The following C2CD2 variants were observed in gnomAD, a reference collection of about 807,000 sequenced individuals.
The protein encoded by C2CD2 is C2 domain-containing protein 2.
C2CD2 carries 43 observed loss-of-function variants against 74.3 expected under a neutral mutation model. That is an observed-to-expected ratio of 0.58 (90% CI 0.45 to 0.75). C2CD2 has a LOEUF of 0.75. Ranked by LOEUF, C2CD2 falls within the 30% of genes least tolerant of loss-of-function variation. The probability of loss-of-function intolerance (pLI) is 0.00; values close to 1 mark genes in which losing one functional copy is unlikely to be tolerated. For missense variants in C2CD2, 801 were observed against 916.3 expected (o/e 0.87, Z 1.63); for synonymous variants, 422 against 390.7 (o/e 1.08, Z -0.94).
chr21:41,926,749 C>T lies in C2CD2; in HGVS notation c.379-4664G>A, dbSNP rs984399323. 2.5e-5 allele frequency: 8 copies of T among 325,694 alleles called. No homozygotes were observed. Among genetic ancestry groups the T allele is most frequent in the Non-Finnish European group, 3.5e-5 (8 of 226,918 alleles). 20.2% of individuals were successfully genotyped at this position (325,694 alleles called of 1,614,324 possible). Reference sequence around the variant, plus strand: ...AATTAAGCTTCCTGTACAGCTGCCTCGGCTCCTTCTCTTAGAACACTCTAG... The same window carrying T: ...AATTAAGCTTCCTGTACAGCTGCCTTGGCTCCTTCTCTTAGAACACTCTAG... On this transcript the variant is annotated intron_variant, in intron 2 of 13. Coordinates refer to ENST00000380486, the MANE Select transcript of C2CD2 (RefSeq NM_015500.2). The surrounding 1 kb of genome is among the most constrained non-coding windows in gnomAD (Gnocchi z 8.0).
intron 2 of C2CD2, 144 bp downstream of exon 2, chr21:41,942,003 C>T: frequency 9.7e-7 from 1 of 1,034,392 alleles, no homozygotes; most frequent in Non-Finnish European, 1.4e-6. Flanking sequence ...CTTCATCTAC[C>T]CATCAGCTGA....
Position 41,931,267 on chromosome 21 carries a change from C to T in C2CD2, c.379-9182G>A, listed in dbSNP as rs1329659369. On this transcript the variant is annotated intron_variant, in intron 2 of 13. Coordinates refer to ENST00000380486, the MANE Select transcript of C2CD2 (RefSeq NM_015500.2). ...CGGTCTGAGCAGATACCCTGCAAGG[C>T]AGGCACCCAGGAGAATTCCCTTAGG... Among the ~76,000 whole-genome samples, 2 of 150,246 alleles carry T rather than the reference C, an allele frequency of 1.3e-5. 1 individual carries two copies. The highest frequency in any genetic ancestry group is 3.0e-5 in the Non-Finnish European group (2 of 66,998).
chr21:41,910,346 T>C (rs991423110), intron 7 of C2CD2, among the ~76,000 whole-genome samples: 6 of 152,162 alleles, frequency 3.9e-5, no homozygotes, highest in Non-Finnish European at 8.8e-5. Context: ...TACCCATATA[T>C]CTTTGCACGC....
At position 41,923,088 on chromosome 21, in the gene C2CD2, C is replaced by T. The variant is rs1393122618; in HGVS notation, c.379-1003G>A. Among the ~76,000 whole-genome samples the T allele has an allele frequency of 6.6e-6, 1 of 151,920 alleles. No individual in the cohort carries two copies. Among genetic ancestry groups the T allele is most frequent in the Non-Finnish European group, 1.5e-5 (1 of 67,994 alleles). ...TTAGCTCACTGCAACCTCCGCCTCC[C>T]GGGTTCACACGATTCTCCTGCCTCA... On this transcript the variant is annotated intron_variant, in intron 2 of 13. Coordinates refer to ENST00000380486, the MANE Select transcript of C2CD2 (RefSeq NM_015500.2). This position sits in a 1 kb window ranked among gnomAD's most constrained non-coding sequence, Gnocchi z 5.8.
chr21:41,920,503 G>C (rs1398368316), intron 3 of C2CD2, among the ~76,000 whole-genome samples: 1 of 152,176 alleles, frequency 6.6e-6, no homozygotes, highest in Non-Finnish European at 1.5e-5. Context: ...TCTCCAACCT[G>C]CCTTCCTTGT....
At chr21:41,953,329 CG>C in intron 1 of C2CD2, 40 bp downstream of exon 1, 2 of 1,329,210 alleles carry the variant, frequency 1.5e-6, no homozygotes, top group Non-Finnish European at 2.0e-6. Flanking sequence ...CCGCCCGCCC[CG>C]GCATCTGCCG....
chr21:41,912,807 T>C (rs143816498), intron 6 of C2CD2, among the ~76,000 whole-genome samples: 2 of 152,322 alleles, frequency 1.3e-5, no homozygotes, highest in African/African-American at 4.8e-5. Flanking sequence ...ATTTTTTAAA[T>C]TGCATGAAGA....
intron 13 of C2CD2, among the ~76,000 whole-genome samples, chr21:41,893,698 C>CTTTTTTT (rs60305027): frequency 4.9e-5 from 6 of 122,088 alleles, no homozygotes; most frequent in East Asian, 2.6e-4. Context: ...TGTTAAATTT[C>CTTTTTTT]TTTTTTTTTT....
chr21:41,889,172 G>C lies in C2CD2; in HGVS notation c.2043C>G (p.His681Gln). Residue 681 changes from histidine to glutamine, a missense_variant, in exon 14 of 14, where the codon CAC (histidine) becomes CAG (glutamine). Coordinates refer to ENST00000380486, the MANE Select transcript of C2CD2 (RefSeq NM_015500.2). ...CACCGTTCATGGTGTTCTTGTTTCT[G>C]TGCCTGGAGAGCAGCTTCTTGTTCA... is the stretch of plus-strand genomic sequence containing the variant. ...RILNKKLLSRHRNKNTMNGAP... is the reference protein window; with the variant it reads ...RILNKKLLSRQRNKNTMNGAP... 1.9e-6 allele frequency: 3 copies of C among 1,612,812 alleles called. No homozygotes were observed. Among genetic ancestry groups the C allele is most frequent in the Non-Finnish European group, 2.5e-6 (3 of 1,180,032 alleles).
chr21:41,907,781 AGAC>A lies in C2CD2; in HGVS notation c.1019_1021del (p.Gly340_Leu341delinsVal), dbSNP rs771454297. ...CAGAGGAACTGTCGCCGTCGCCAGC[AGAC>A]CTGAAAAGATAGGAGACAGGCAAGG... On this transcript the variant is annotated inframe_deletion and splice_region_variant, in exon 9 of 14. Coordinates refer to ENST00000380486, the MANE Select transcript of C2CD2 (RefSeq NM_015500.2). The A allele has an allele frequency of 1.4e-5, 23 of 1,613,898 alleles. No homozygotes were observed.
rs150751178 is a variant in C2CD2 at position 41,891,189 on chromosome 21, A to G, written c.1871-1845T>C. ...CTAAAGTTAGGAGCCTGTGTGCAGG[A>G]GCTTCGGAGACTGCTGGAAAAGGAA... On this transcript the variant is annotated intron_variant, in intron 13 of 13. Coordinates refer to ENST00000380486, the MANE Select transcript of C2CD2 (RefSeq NM_015500.2). Among the ~76,000 whole-genome samples, 8 of 110,760 alleles carry G rather than the reference A, an allele frequency of 7.2e-5. 1 individual carries two copies. Among genetic ancestry groups the G allele is most frequent in the East Asian group, 6.9e-4 (2 of 2,878 alleles). The allele number at this position is 110,760 out of a possible 152,430, so 72.7% of individuals were successfully genotyped here. A position where few individuals can be genotyped will look rare whatever the true frequency, so the allele number is the denominator to read the frequency against.
rs771638248 is a variant in C2CD2 at position 41,911,164 on chromosome 21, G to A, written c.953+1168C>T. Among the ~76,000 whole-genome samples the A allele has an allele frequency of 9.9e-4, 151 of 151,850 alleles. 4 individuals are homozygous for A. Among genetic ancestry groups the A allele is most frequent in the Non-Finnish European group, 1.1e-3 (77 of 67,992 alleles). On this transcript the variant is annotated intron_variant, in intron 7 of 13. Coordinates refer to ENST00000380486, the MANE Select transcript of C2CD2 (RefSeq NM_015500.2). Reference sequence around the variant, plus strand: ...ATTAAATGTCACTGAATGTCTTTTGGACATATGTAGAGAAAATACATTTAT... The same window carrying A: ...ATTAAATGTCACTGAATGTCTTTTGAACATATGTAGAGAAAATACATTTAT...
intron 5 of C2CD2, among the ~76,000 whole-genome samples, chr21:41,915,923 G>A (rs2065085385): frequency 6.6e-6 from 1 of 152,172 alleles, no homozygotes; most frequent in African/African-American, 2.4e-5. Context: ...CAGCCCCCAT[G>A]CTGTGAGAAG....
At chr21:41,905,113 A>C (rs1322579555) in intron 11 of C2CD2, among the ~76,000 whole-genome samples, 1 of 152,162 alleles carries the variant, frequency 6.6e-6, no homozygotes, top group Non-Finnish European at 1.5e-5. Flanking sequence ...CTATTAATGT[A>C]GCTAGCGTGT....
At chr21:41,897,722 G>A (rs1485498582) in intron 13 of C2CD2, among the ~76,000 whole-genome samples, 2 of 152,198 alleles carry the variant, frequency 1.3e-5, no homozygotes, top group Non-Finnish European at 1.5e-5. Context: ...CATGGGAGAG[G>A]GAGGCCGCCG....
At chr21:41,927,143 A>G (rs868513917) in intron 2 of C2CD2, among the ~76,000 whole-genome samples, 14 of 152,344 alleles carry the variant, frequency 9.2e-5, no homozygotes, top group Middle Eastern at 3.4e-3. Context: ...CCACTAATTC[A>G]AAATAAACGG....
chr21:41,896,372 G>A lies in C2CD2; in HGVS notation c.1870+2681C>T, dbSNP rs144306802. Among the ~76,000 whole-genome samples, 57 of 152,210 alleles carry A rather than the reference G, an allele frequency of 3.7e-4. No individual in the cohort carries two copies. In the East Asian group the frequency reaches 8.7e-3, roughly 23 times the overall value. On this transcript the variant is annotated intron_variant, in intron 13 of 13. Transcript: ENST00000380486. ...TACAGACACCACACGCACACAGGACGCCACTGTGCAGGATATTTGGCAAGG... is the reference window on the plus strand; with the variant it reads ...TACAGACACCACACGCACACAGGACACCACTGTGCAGGATATTTGGCAAGG...
chr21:41,891,467 G>A (rs1377780652), intron 13 of C2CD2, among the ~76,000 whole-genome samples: 1 of 152,234 alleles, frequency 6.6e-6, no homozygotes, highest in African/African-American at 2.4e-5. Context: ...ACTGCCTGGT[G>A]TATCAGAGGG....
In C2CD2 at chr21:41,885,592, G is replaced by C. The variant is rs1192835021; in HGVS notation, c.*3532C>G. 6.5e-6 allele frequency: 1 copy of C among 152,750 alleles called. No individual in the cohort carries two copies. The highest frequency in any genetic ancestry group is 2.4e-5 in the African/African-American group (1 of 41,454). 9.5% of individuals were successfully genotyped at this position (152,750 alleles called of 1,614,324 possible). ...GCAGTGGGGAGAGGGCCTGGCAGCA[G>C]GGTTTACGCCAGCCCCGAGGTCTGT... On this transcript the variant is annotated 3_prime_UTR_variant, in exon 14 of 14. Coordinates refer to ENST00000380486, the MANE Select transcript of C2CD2 (RefSeq NM_015500.2).
Sources: gnomAD v4.1 joint callset for allele counts (sites outside exome capture counted in the v4.1 genomes callset) on GRCh38, gnomAD v4.1.1 for gene constraint, Gnocchi (gnomAD v3.1) non-coding constraint, MANE v1.5 for transcripts, NCBI Gene and HGNC (gene_info 2026-07-23, HGNC 2026-07-21) for gene names.